The following RAB33A variants were observed in gnomAD, a reference collection of about 807,000 sequenced individuals.
RAB33A encodes the protein RAB33A, member RAS oncogene family.
RAB33A carries 6 observed loss-of-function variants against 12.0 expected under a neutral mutation model. The observed-to-expected ratio is 0.50, with a 90% CI of 0.27 to 0.99. The LOEUF (loss-of-function observed/expected upper bound fraction) is 0.99, where lower values mean the gene tolerates loss of function less well. RAB33A is among the 50% of genes least tolerant of loss of function. The probability of loss-of-function intolerance (pLI) is 0.11; values close to 1 mark genes in which losing one functional copy is unlikely to be tolerated. For missense variants in RAB33A, 109 were observed against 192.0 expected (o/e 0.57, Z 2.55); for synonymous variants, 70 against 82.4 (o/e 0.85, Z 0.81).
At chrX:130,150,781 C>T in the RAB33A span, among the ~76,000 whole-genome samples, 1 of 104,432 alleles carries the variant, frequency 9.6e-6, no homozygotes, top group African/African-American at 3.5e-5. Context: ...TTGAGACCAG[C>T]CTGGCCAACA....
chrX:130,184,632 G>A lies in RAB33A; in HGVS notation c.606G>A (p.Leu202=). Residue 202 remains leucine (L), a synonymous_variant, in exon 2 of 2, where the codon TTG becomes TTA. Transcript: ENST00000257017. The part of the protein sequence containing the change: ...ESIFMCLACR[L]KAQKSLLYRD... ...TTTTCATGTGCTTGGCTTGCCGATTGAAGGCCCAGAAATCCCTGCTGTATC... is the reference window on the plus strand; with the variant it reads ...TTTTCATGTGCTTGGCTTGCCGATTAAAGGCCCAGAAATCCCTGCTGTATC... 8.3e-7 allele frequency: 1 copy of A among 1,211,593 alleles called. No individual in the cohort carries two copies. Among genetic ancestry groups the A allele is most frequent in the Non-Finnish European group, 1.1e-6 (1 of 895,412 alleles).
chrX:130,184,196 T>C, intron 1 of RAB33A, 89 bp from the exon 2 acceptor site: 3 of 920,986 alleles, frequency 3.3e-6, no homozygotes, highest in Non-Finnish European at 4.5e-6. Flanking sequence ...TCCTGTCACT[T>C]CATTTTTATA....
chrX:130,178,050 G>A (rs1034162777), intron 1 of RAB33A, among the ~76,000 whole-genome samples: 5 of 112,393 alleles, frequency 4.4e-5, no homozygotes, highest in Admixed American at 9.4e-5. Flanking sequence ...GCTAGGTAAG[G>A]TGGCTTGCCA....
the RAB33A span, among the ~76,000 whole-genome samples, chrX:130,164,774 A>T: frequency 9.0e-6 from 1 of 111,579 alleles, no homozygotes; most frequent in East Asian, 2.8e-4. Flanking sequence ...AGGCTAGCAA[A>T]CTATCCTTAG....
chrX:130,127,691 C>CTTTT, the RAB33A span, among the ~76,000 whole-genome samples: 1 of 77,040 alleles, frequency 1.3e-5, no homozygotes. Flanking sequence ...ATGAGTTTTC[C>CTTTT]TTTTTTTTTT....
chrX:130,110,907 G>C, the RAB33A span, among the ~76,000 whole-genome samples: 1 of 95,124 alleles, frequency 1.1e-5, no homozygotes, highest in Non-Finnish European at 2.1e-5. Context: ...AGACACACAC[G>C]TCCCCGCAGG....
intron 1 of RAB33A, among the ~76,000 whole-genome samples, chrX:130,173,269 T>C (rs1653351287): frequency 1.8e-5 from 2 of 111,946 alleles, no homozygotes; most frequent in Non-Finnish European, 3.8e-5. Flanking sequence ...CAACTTCTTG[T>C]GTCATGGGGA....
At chrX:130,113,376 C>T in the RAB33A span, among the ~76,000 whole-genome samples, 50 of 108,211 alleles carry the variant, frequency 4.6e-4, no homozygotes, top group East Asian at 2.3e-3. Flanking sequence ...CCACTGCGCC[C>T]GGCCTCTTTC....
upstream of RAB33A, among the ~76,000 whole-genome samples, chrX:130,169,919 CA>C (rs1014437838): frequency 3.6e-5 from 4 of 112,187 alleles, no homozygotes; most frequent in African/African-American, 1.3e-4. Flanking sequence ...TAAAGATCAT[CA>C]GGGGCATTAA....
intron 1 of RAB33A, among the ~76,000 whole-genome samples, chrX:130,182,481 G>A (rs765497844): frequency 1.3e-4 from 14 of 109,008 alleles, no homozygotes; most frequent in Non-Finnish European, 2.7e-4. Context: ...GAGGCTGGGC[G>A]TGGTGGCTCA....
At chrX:130,115,350 C>T in the RAB33A span, among the ~76,000 whole-genome samples, 2 of 112,164 alleles carry the variant, frequency 1.8e-5, no homozygotes, top group African/African-American at 6.5e-5. Flanking sequence ...CAGTGGTTCA[C>T]GCCTGTAATC....
At chrX:130,138,771 T>C in the RAB33A span, 1 of 760,127 alleles carries the variant, frequency 1.3e-6, no homozygotes, top group Non-Finnish European at 2.0e-6. Flanking sequence ...TAGAAAGTAG[T>C]TTCTTCTAAA....
chrX:130,141,839 C>G, the RAB33A span, among the ~76,000 whole-genome samples: 1 of 112,097 alleles, frequency 8.9e-6, no homozygotes, highest in African/African-American at 3.2e-5. Context: ...TCCATCCCTT[C>G]AGCTTTCGCT....
At chrX:130,156,393 G>A in the RAB33A span, 4 of 1,183,686 alleles carry the variant, frequency 3.4e-6, no homozygotes, top group South Asian at 7.1e-5. Context: ...TTTTAAAGCA[G>A]AATACTATCG....
chrX:130,164,469 T>C, the RAB33A span, among the ~76,000 whole-genome samples: 1 of 112,463 alleles, frequency 8.9e-6, no homozygotes, highest in Non-Finnish European at 1.9e-5. Context: ...CACCCAGGTG[T>C]TTCTGTATTG....
the RAB33A span, among the ~76,000 whole-genome samples, chrX:130,135,346 C>T: frequency 1.9e-5 from 2 of 107,822 alleles, no homozygotes; most frequent in African/African-American, 6.8e-5. Context: ...CTCAGCCTCC[C>T]AAAGTGCTGG....
the RAB33A span, among the ~76,000 whole-genome samples, chrX:130,158,468 C>T: frequency 9.1e-6 from 1 of 109,949 alleles, no homozygotes; most frequent in South Asian, 3.9e-4. Flanking sequence ...AGGCCCCAGG[C>T]CCAGAGGTTC....
chrX:130,148,414 G>C, the RAB33A span, among the ~76,000 whole-genome samples: 2 of 111,924 alleles, frequency 1.8e-5, no homozygotes, highest in African/African-American at 6.5e-5. Context: ...AAATTGAAGT[G>C]AATCATGTGA....
chrX:130,169,983 A>G (rs757992344), upstream of RAB33A, among the ~76,000 whole-genome samples: 5 of 112,217 alleles, frequency 4.5e-5, no homozygotes, highest in South Asian at 1.9e-3. Context: ...ACTAATCAAA[A>G]CCAAAAATAC....
Sources: allele counts gnomAD v4.1 joint callset (sites outside exome capture counted in the v4.1 genomes callset), GRCh38; gene constraint gnomAD v4.1.1; transcripts MANE v1.5; gene names NCBI Gene and HGNC (gene_info 2026-07-23, HGNC 2026-07-21).